The following PLGRKT variants were observed in gnomAD, a reference collection of about 807,000 sequenced individuals.
The protein encoded by PLGRKT is plasminogen receptor (KT).
In PLGRKT, 22 loss-of-function variants were observed where a neutral mutation model predicts 18.5. The ratio of observed to expected loss-of-function variants is 1.19; its 90% CI spans 0.85 to 1.70. The LOEUF (loss-of-function observed/expected upper bound fraction) is 1.70. PLGRKT is among the 40% of genes most tolerant of loss of function. The probability of loss-of-function intolerance (pLI) is 0.00; values close to 1 mark genes in which losing one functional copy is unlikely to be tolerated. For missense variants in PLGRKT, 235 were observed against 174.4 expected, an observed-to-expected ratio of 1.35 and a Z score of -1.96; for synonymous variants, 72 against 52.8, an observed-to-expected ratio of 1.36 and a Z score of -1.58.
At chr9:5,423,898 A>G (rs973737550) in intron 3 of PLGRKT, among the ~76,000 whole-genome samples, 2 of 106,128 alleles carry the variant, frequency 1.9e-5, no homozygotes, top group African/African-American at 4.3e-5. Context: ...TATAATATAT[A>G]TTACATATAT....
chr9:5,371,689 C>T (rs1586704974), intron 3 of PLGRKT, among the ~76,000 whole-genome samples: 1 of 152,156 alleles, frequency 6.6e-6, no homozygotes, highest in African/African-American at 2.4e-5. Context: ...TTGAAAGTCA[C>T]AGCTCCTAAC....
chr9:5,406,978 A>G (rs898733702), intron 3 of PLGRKT, among the ~76,000 whole-genome samples: 3 of 152,244 alleles, frequency 2.0e-5, no homozygotes, highest in Admixed American at 2.0e-4. Flanking sequence ...ATTATAGAAT[A>G]AAATGTAATT....
intron 3 of PLGRKT, among the ~76,000 whole-genome samples, chr9:5,417,820 G>A (rs1351829796): frequency 6.6e-6 from 1 of 152,036 alleles, no homozygotes. Flanking sequence ...AAAAACGACT[G>A]TCCATTTTGA....
At chr9:5,389,437 G>A (rs184725782) in intron 3 of PLGRKT, among the ~76,000 whole-genome samples, 62 of 151,986 alleles carry the variant, frequency 4.1e-4, no homozygotes, top group Non-Finnish European at 7.8e-4. Context: ...CGGTCTAGCT[G>A]ATAGTGCCAG....
intron 2 of PLGRKT, among the ~76,000 whole-genome samples, chr9:5,432,341 G>C (rs1176277458): frequency 6.6e-6 from 1 of 152,148 alleles, no homozygotes; most frequent in Non-Finnish European, 1.5e-5. Flanking sequence ...TGAGGGGAAG[G>C]GTGGATACCA....
At chr9:5,413,070 A>T (rs1381763466) in intron 3 of PLGRKT, among the ~76,000 whole-genome samples, 1 of 152,190 alleles carries the variant, frequency 6.6e-6, no homozygotes, top group African/African-American at 2.4e-5. Flanking sequence ...AGCAAAAACT[A>T]AAAAGCAAGA....
At chr9:5,386,200 T>C (rs1451217446) in intron 3 of PLGRKT, among the ~76,000 whole-genome samples, 3 of 151,902 alleles carry the variant, frequency 2.0e-5, no homozygotes, top group Admixed American at 6.6e-5. Flanking sequence ...GCAGGCTGAC[T>C]TGCTGGCCTG....
chr9:5,420,682 G>A (rs914224313), intron 3 of PLGRKT, among the ~76,000 whole-genome samples: 2 of 152,112 alleles, frequency 1.3e-5, no homozygotes, highest in South Asian at 2.1e-4. Context: ...CTCACTACCT[G>A]GTCTTTCTCC....
At chr9:5,436,767 T>A (rs1255644250) in intron 1 of PLGRKT, 73 bp from the exon 2 acceptor site, 1 of 152,234 alleles carries the variant, frequency 6.6e-6, no homozygotes, top group Non-Finnish European at 1.5e-5. Context: ...TTCTTTCCTT[T>A]CCCAACTTCC....
At chr9:5,387,055 T>A (rs78673753) in intron 3 of PLGRKT, among the ~76,000 whole-genome samples, 1 of 152,092 alleles carries the variant, frequency 6.6e-6, no homozygotes, top group Non-Finnish European at 1.5e-5. Flanking sequence ...CTTTAATGTG[T>A]GTGTGAATCA....
intron 3 of PLGRKT, among the ~76,000 whole-genome samples, chr9:5,425,906 ACT>A (rs1437142385): frequency 1.3e-5 from 2 of 152,196 alleles, no homozygotes; most frequent in Non-Finnish European, 2.9e-5. Context: ...ATTAGGCTTT[ACT>A]CTAATAAACG....
At chr9:5,370,567 A>G (rs554457959) in intron 3 of PLGRKT, among the ~76,000 whole-genome samples, 1 of 152,312 alleles carries the variant, frequency 6.6e-6, no homozygotes, top group Non-Finnish European at 1.5e-5. Flanking sequence ...GTATATTCAC[A>G]TGACAGAAAA....
intron 3 of PLGRKT, chr9:5,392,495 G>A (rs966037758): frequency 2.6e-5 from 4 of 151,734 alleles, no homozygotes; most frequent in Non-Finnish European, 5.9e-5. Context: ...AGCATGTCTC[G>A]GCTTTTGCAT....
chr9:5,393,618 A>G (rs1185668998), intron 3 of PLGRKT, among the ~76,000 whole-genome samples: 5 of 151,804 alleles, frequency 3.3e-5, no homozygotes, highest in Non-Finnish European at 7.4e-5. Flanking sequence ...TTTCTTAACC[A>G]TTGGTAAGAA....
At chr9:5,378,165 G>T (rs1817667819) in intron 3 of PLGRKT, among the ~76,000 whole-genome samples, 1 of 152,086 alleles carries the variant, frequency 6.6e-6, no homozygotes, top group East Asian at 1.9e-4. Flanking sequence ...AGGGCTACCA[G>T]ACATTTGAGG....
chr9:5,381,693 AC>A (rs957336174), intron 3 of PLGRKT, among the ~76,000 whole-genome samples: 8 of 152,180 alleles, frequency 5.3e-5, no homozygotes, highest in African/African-American at 1.9e-4. Flanking sequence ...AAAAGGGGTC[AC>A]CTCTTGGGAG....
intron 3 of PLGRKT, among the ~76,000 whole-genome samples, chr9:5,378,527 C>T (rs1011327370): frequency 1.3e-5 from 2 of 152,144 alleles, no homozygotes; most frequent in African/African-American, 4.8e-5. Flanking sequence ...AAAACTAGCC[C>T]ATGCTCTTGG....
At chr9:5,368,290 A>T (rs1406952299) in intron 3 of PLGRKT, among the ~76,000 whole-genome samples, 2 of 152,266 alleles carry the variant, frequency 1.3e-5, no homozygotes, top group African/African-American at 4.8e-5. Flanking sequence ...TCATATTTTC[A>T]TCGCAGCACT....
intron 3 of PLGRKT, among the ~76,000 whole-genome samples, chr9:5,430,013 C>T (rs980444893): frequency 1.3e-5 from 2 of 152,186 alleles, no homozygotes; most frequent in Admixed American, 1.3e-4. Context: ...CAGTAGGCTC[C>T]CTAAGCTCAA....
Sources: gnomAD v4.1 joint callset for allele counts (sites outside exome capture counted in the v4.1 genomes callset) on GRCh38, gnomAD v4.1.1 for gene constraint, MANE v1.5 for transcripts, NCBI Gene and HGNC (gene_info 2026-07-23, HGNC 2026-07-21) for gene names.